GALNT16: variants seen among roughly 807,000 people sequenced by gnomAD.
GALNT16 encodes polypeptide N-acetylgalactosaminyltransferase 16.
In GALNT16, 40 loss-of-function variants were observed where a neutral mutation model predicts 76.1. The ratio of observed to expected loss-of-function variants is 0.53; its 90% CI spans 0.41 to 0.68. The LOEUF is 0.68. Ranked by LOEUF, GALNT16 falls within the 30% of genes least tolerant of loss-of-function variation. GALNT16 has a pLI of 0.00. For synonymous variants in GALNT16, 276 were observed against 285.2 expected (o/e 0.97, Z 0.32); for missense variants, 621 against 731.9 (o/e 0.85, Z 1.75).
chr14:69,314,649 G>A (rs552939651), intron 1 of GALNT16, among the ~76,000 whole-genome samples: 1 of 152,342 alleles, frequency 6.6e-6, no homozygotes, highest in African/African-American at 2.4e-5. Flanking sequence ...GGAAGAGTTG[G>A]AACCTGAGAC....
At chr14:69,299,103 C>T (rs779741080) in intron 1 of GALNT16, among the ~76,000 whole-genome samples, 1 of 152,178 alleles carries the variant, frequency 6.6e-6, no homozygotes. Flanking sequence ...ATCTAGGGCC[C>T]GATTTCAGCA....
In GALNT16 at chr14:69,338,684, G is replaced by A. The variant is rs772368943; in HGVS notation, c.1001G>A (p.Ser334Asn). ...TTCAGGGTGTGGATGTGTGGTGGCA[G>A]TCTGGAGATCGTCCCCTGCAGCCGG... ...LSFRVWMCGG[S>N]LEIVPCSRVG... The change falls in exon 10 of 15, where the codon AGT becomes AAT. Residue 334 changes from serine (S) to asparagine (N), a missense_variant. Transcript: ENST00000448469. 6.2e-6 allele frequency: 10 copies of A among 1,613,800 alleles called. No homozygotes were observed. The highest frequency in any genetic ancestry group is 8.5e-6 in the Non-Finnish European group (10 of 1,179,864).
intron 1 of GALNT16, among the ~76,000 whole-genome samples, chr14:69,310,930 T>C (rs2045009855): frequency 1.3e-5 from 2 of 152,072 alleles, no homozygotes; most frequent in Non-Finnish European, 2.9e-5. Context: ...ATAAATAAAA[T>C]TTTAAAAAAA....
chr14:69,320,944 G>C lies in GALNT16; in HGVS notation c.335+76G>C, dbSNP rs1026858436. The stretch of plus-strand genomic sequence containing the variant: ...CATTGTTTAGTTTGTCTTCTTTTAC[G>C]TGTATCTAAGAAATGAGGATGATTT... On this transcript the variant is annotated intron_variant, in intron 2 of 14. Transcript: ENST00000448469. The C allele has an allele frequency of 2.9e-6, 4 of 1,362,914 alleles. No homozygotes were observed. The East Asian group carries it at 9.3e-5, about 32-fold the overall frequency. The allele number at this position is 1,362,914 out of a possible 1,614,324, so 84.4% of individuals were successfully genotyped here. A position where few individuals can be genotyped will look rare whatever the true frequency, so the allele number is the denominator to read the frequency against.
chr14:69,339,942 C>T (rs2045465994), intron 11 of GALNT16, among the ~76,000 whole-genome samples: 1 of 152,208 alleles, frequency 6.6e-6, no homozygotes, highest in African/African-American at 2.4e-5. Context: ...GGTTCTGCCT[C>T]CACTCCCTGT....
intron 1 of GALNT16, among the ~76,000 whole-genome samples, chr14:69,273,106 G>T (rs548399992): frequency 2.6e-5 from 4 of 152,210 alleles, no homozygotes; most frequent in African/African-American, 9.7e-5. Flanking sequence ...ACCATTATCC[G>T]TGAGCATGGG....
At chr14:69,385,976 G>A in the GALNT16 span, among the ~76,000 whole-genome samples, 2 of 152,136 alleles carry the variant, frequency 1.3e-5, no homozygotes, top group African/African-American at 4.8e-5. Context: ...AAACATGCTA[G>A]GCACTCCTAC....
chr14:69,260,656 A>C, intron 1 of GALNT16, 189 bp downstream of exon 1: 1 of 312,462 alleles, frequency 3.2e-6, no homozygotes, highest in Non-Finnish European at 5.6e-6. Context: ...GCTGGGGCGC[A>C]CCGACTAAGG....
Position 69,312,055 on chromosome 14 carries a change from ATCTGT to A in GALNT16, c.178-8655_178-8651del, listed in dbSNP as rs1392902059. Among the ~76,000 whole-genome samples, 55 of 90,158 alleles carry A rather than the reference ATCTGT, an allele frequency of 6.1e-4. 2 individuals carry two copies. In the Middle Eastern group the frequency reaches 0.013, roughly 21 times the overall value. The allele number at this position is 90,158 out of a possible 152,430, so 59.1% of individuals were successfully genotyped here. A position where few individuals can be genotyped will look rare whatever the true frequency, so the allele number is the denominator to read the frequency against. On this transcript the variant is annotated intron_variant, in intron 1 of 14. Transcript: ENST00000448469. ...CCTGTTTCTAAAAAAAAAAAAAAAA[ATCTGT>A]CTATCTATCTATCTATCTATCTATC...
chr14:69,320,871 A>G lies in GALNT16; in HGVS notation c.335+3A>G, dbSNP rs765962206. On this transcript the variant is annotated splice_donor_region_variant and intron_variant, in intron 2 of 14. Transcript: ENST00000448469. ...ATCCGGGACACCCGCCATTACAGGT[A>G]CGGCCTCCATCGTGTCAGTGGAGGA... 3 of 1,613,566 alleles carry G rather than the reference A, an allele frequency of 1.9e-6. No homozygotes were observed. In the East Asian group the frequency reaches 6.7e-5, roughly 36 times the overall value.
intron 1 of GALNT16, among the ~76,000 whole-genome samples, chr14:69,280,201 C>T (rs1447846171): frequency 6.6e-6 from 1 of 152,272 alleles, no homozygotes; most frequent in Middle Eastern, 3.4e-3. Context: ...CTCCCCATTT[C>T]CCCTCTCCCT....
At chr14:69,303,464 C>G (rs2044882933) in intron 1 of GALNT16, among the ~76,000 whole-genome samples, 1 of 152,098 alleles carries the variant, frequency 6.6e-6, no homozygotes, top group African/African-American at 2.4e-5. Flanking sequence ...ATTAAAGTAG[C>G]AGTAAGCTGT....
intron 9 of GALNT16, among the ~76,000 whole-genome samples, chr14:69,338,291 T>C (rs77722501): frequency 0.011 from 1,700 of 152,344 alleles, 14 homozygotes; most frequent in Non-Finnish European, 0.017. Flanking sequence ...CAGATGTGTT[T>C]TTCCTTAGCT....
intron 1 of GALNT16, among the ~76,000 whole-genome samples, chr14:69,283,118 A>G (rs777412895): frequency 1.2e-4 from 19 of 152,224 alleles, no homozygotes; most frequent in South Asian, 2.1e-4. Flanking sequence ...TGCAGTTACC[A>G]TGGAGCAAGT....
rs2296727 is a variant in GALNT16, at chr14:69,353,123, A to G, written c.*955A>G. ...CACATCCCTGAGTAGTCCCAGCCTCATTTGTCATTTTTGACTCCTGCTTTC... is the reference window on the plus strand; with the variant it reads ...CACATCCCTGAGTAGTCCCAGCCTCGTTTGTCATTTTTGACTCCTGCTTTC... On this transcript the variant is annotated 3_prime_UTR_variant, in exon 15 of 15. Transcript: ENST00000448469. 0.44 allele frequency among the ~76,000 whole-genome samples: 67,300 copies of G among 151,942 alleles called. 15,127 individuals carry two copies. Among genetic ancestry groups the G allele is most frequent in the Middle Eastern group, 0.6 (176 of 294 alleles).
chr14:69,365,484 C>A, the GALNT16 span, among the ~76,000 whole-genome samples: 1 of 152,016 alleles, frequency 6.6e-6, no homozygotes, highest in Non-Finnish European at 1.5e-5. Flanking sequence ...GGACATGGAT[C>A]GAGCTGGAGG....
chr14:69,363,056 G>C, the GALNT16 span, among the ~76,000 whole-genome samples: 1 of 152,240 alleles, frequency 6.6e-6, no homozygotes, highest in African/African-American at 2.4e-5. Context: ...GGACCGGGAG[G>C]GAAGGTTATG....
At chr14:69,307,540 G>A (rs183437519) in intron 1 of GALNT16, among the ~76,000 whole-genome samples, 14 of 152,160 alleles carry the variant, frequency 9.2e-5, no homozygotes, top group Admixed American at 2.6e-4. Flanking sequence ...CCCATGACCC[G>A]ATGTGCTTGA....
chr14:69,385,000 A>G, the GALNT16 span, among the ~76,000 whole-genome samples: 1 of 152,100 alleles, frequency 6.6e-6, no homozygotes, highest in Admixed American at 6.6e-5. Flanking sequence ...TCATTCTCTG[A>G]TCACCACTTC....
Sources: gnomAD v4.1 joint callset for allele counts (sites outside exome capture counted in the v4.1 genomes callset) on GRCh38, gnomAD v4.1.1 for gene constraint, MANE v1.5 for transcripts, NCBI Gene and HGNC (gene_info 2026-07-23, HGNC 2026-07-21) for gene names.